Variants in DEPTOR observed in about 807,000 individuals in gnomAD.
DEPTOR encodes the protein DEP domain containing MTOR interacting protein.
In DEPTOR, 41 loss-of-function variants were observed where a neutral mutation model predicts 41.6. The ratio of observed to expected loss-of-function variants is 0.98; its 90% CI spans 0.77 to 1.28. The LOEUF is 1.28. DEPTOR is among the 50% of genes most tolerant of loss of function. The pLI is 0.00. For missense variants in DEPTOR, 514 were observed against 527.9 expected, an observed-to-expected ratio of 0.97 and a Z score of 0.26; for synonymous variants, 195 against 192.3, an observed-to-expected ratio of 1.01 and a Z score of -0.12.
At chr8:119,904,813 C>G (rs923615993) in intron 1 of DEPTOR, among the ~76,000 whole-genome samples, 6 of 151,506 alleles carry the variant, frequency 4.0e-5, no homozygotes, top group Non-Finnish European at 7.4e-5. Context: ...TTTTAAGAGA[C>G]CAGAGTCTTC....
chr8:120,007,498 G>A (rs2037344), intron 7 of DEPTOR, among the ~76,000 whole-genome samples: 103,605 of 151,988 alleles, frequency 0.68, 35,826 homozygotes, highest in Middle Eastern at 0.77. Flanking sequence ...TAATGCCTAC[G>A]TTGGATTTCT....
At chr8:119,914,275 C>T (rs1283626335) in intron 1 of DEPTOR, among the ~76,000 whole-genome samples, 1 of 151,620 alleles carries the variant, frequency 6.6e-6, no homozygotes. Context: ...CTCCTGACCT[C>T]AGGTGATCTG....
At chr8:119,960,536 T>C (rs1274790462) in intron 3 of DEPTOR, among the ~76,000 whole-genome samples, 1 of 152,188 alleles carries the variant, frequency 6.6e-6, no homozygotes, top group African/African-American at 2.4e-5. Context: ...CATCAGTTCA[T>C]AGCTATGAAG....
chr8:120,026,106 C>T (rs1812792703), intron 8 of DEPTOR, among the ~76,000 whole-genome samples: 1 of 151,810 alleles, frequency 6.6e-6, no homozygotes, highest in Non-Finnish European at 1.5e-5. Context: ...CCTGCCTCAG[C>T]CTCCCATGTA....
intron 8 of DEPTOR, among the ~76,000 whole-genome samples, chr8:120,022,157 T>TAAAAAAAAAAAAAAAAAAAAAAAA (rs34125548): frequency 1.1e-5 from 1 of 93,724 alleles, no homozygotes; most frequent in African/African-American, 4.0e-5. Flanking sequence ...GACCCCATCT[T>TAAAAAAAAAAAAAAAAAAAAAAAA]AAAAAAAAAA....
Position 119,927,644 on chromosome 8 carries a change from C to T in DEPTOR, c.123-756C>T, listed in dbSNP as rs141093015. The stretch of plus-strand genomic sequence containing the variant: ...ATATTTTAAGACGGAGTTTCACTCT[C>T]GTTGCCTAGGCTGGAGTGCAATGGC... On this transcript the variant is annotated intron_variant, in intron 1 of 8. Transcript: ENST00000286234. 3.6e-3 allele frequency among the ~76,000 whole-genome samples: 547 copies of T among 150,304 alleles called. 2 individuals carry two copies. Among genetic ancestry groups the T allele is most frequent in the African/African-American group, 0.013 (517 of 41,062 alleles).
chr8:119,901,472 C>T (rs200085955), intron 1 of DEPTOR, among the ~76,000 whole-genome samples: 100 of 152,094 alleles, frequency 6.6e-4, no homozygotes, highest in African/African-American at 2.3e-3. Flanking sequence ...ATCAGGAGAT[C>T]GAGACCATCC....
intron 4 of DEPTOR, among the ~76,000 whole-genome samples, chr8:119,972,045 A>G (rs1268851265): frequency 2.6e-5 from 4 of 152,224 alleles, no homozygotes; most frequent in East Asian, 1.9e-4. Context: ...GGCCAGCCCC[A>G]TAAGCCGGCC....
intron 4 of DEPTOR, among the ~76,000 whole-genome samples, chr8:119,969,127 A>T (rs922771816): frequency 2.4e-4 from 37 of 151,916 alleles, no homozygotes; most frequent in Non-Finnish European, 5.1e-4. Flanking sequence ...ACCAACTTCT[A>T]GGAGAAAACC....
chr8:120,005,284 T>A (rs1183219946), intron 6 of DEPTOR, among the ~76,000 whole-genome samples: 1 of 152,226 alleles, frequency 6.6e-6, no homozygotes, highest in Non-Finnish European at 1.5e-5. Flanking sequence ...TCCATCTTGA[T>A]ATTTGACCTA....
At chr8:119,954,082 A>G (rs907055909) in intron 3 of DEPTOR, among the ~76,000 whole-genome samples, 2 of 151,822 alleles carry the variant, frequency 1.3e-5, no homozygotes, top group African/African-American at 4.8e-5. Context: ...CTGTGATTAC[A>G]GGCGTGAGCC....
intron 3 of DEPTOR, among the ~76,000 whole-genome samples, chr8:119,951,405 G>A (rs1253792702): frequency 6.6e-6 from 1 of 152,126 alleles, no homozygotes; most frequent in Non-Finnish European, 1.5e-5. Flanking sequence ...AACCATAGTT[G>A]AATGTGGCCT....
intron 4 of DEPTOR, among the ~76,000 whole-genome samples, chr8:119,976,170 A>G (rs1051216777): frequency 1.1e-4 from 16 of 151,836 alleles, no homozygotes; most frequent in Non-Finnish European, 2.2e-4. Context: ...CCCCCTACTC[A>G]TGCTCTCTGG....
At chr8:120,036,054 A>G (rs2130186165) in intron 8 of DEPTOR, among the ~76,000 whole-genome samples, 1 of 152,328 alleles carries the variant, frequency 6.6e-6, no homozygotes, top group Middle Eastern at 3.4e-3. Context: ...GGAATCCAGT[A>G]TGTATGGACT....
chr8:119,952,751 T>G (rs1828370301), intron 3 of DEPTOR, among the ~76,000 whole-genome samples: 1 of 152,190 alleles, frequency 6.6e-6, no homozygotes, highest in Non-Finnish European at 1.5e-5. Context: ...AAAGGACGTG[T>G]AGTTTCAATT....
At chr8:119,988,690 A>T (rs1828860225) in intron 4 of DEPTOR, among the ~76,000 whole-genome samples, 2 of 151,926 alleles carry the variant, frequency 1.3e-5, no homozygotes. Context: ...ACCATTTTGG[A>T]CAGGCTGATC....
intron 8 of DEPTOR, among the ~76,000 whole-genome samples, chr8:120,042,145 T>A (rs189500904): frequency 3.3e-5 from 5 of 151,502 alleles, no homozygotes; most frequent in Admixed American, 3.3e-4. Flanking sequence ...TTACCACCAG[T>A]GGGTGGCATC....
At chr8:119,939,832 G>C (rs1264528495) in intron 3 of DEPTOR, among the ~76,000 whole-genome samples, 2 of 152,100 alleles carry the variant, frequency 1.3e-5, no homozygotes, top group Admixed American at 6.5e-5. Context: ...TGAGTAAGTG[G>C]GGAAATTAGA....
Position 119,956,606 on chromosome 8 carries a change from G to C in DEPTOR, c.426-8626G>C, listed in dbSNP as rs7813220. On this transcript the variant is annotated intron_variant, in intron 3 of 8. Coordinates refer to ENST00000286234, the MANE Select transcript of DEPTOR (RefSeq NM_022783.4). ...AAGGGACAGAGTGGTCAGAACCAGG[G>C]ATAAAGGCCAGGAGTCTGTGTCTGT... 2.8e-3 allele frequency among the ~76,000 whole-genome samples: 431 copies of C among 151,584 alleles called. 2 individuals are homozygous for C. Among genetic ancestry groups the C allele is most frequent in the African/African-American group, 9.5e-3 (393 of 41,282 alleles).
Sources: allele counts gnomAD v4.1 joint callset (sites outside exome capture counted in the v4.1 genomes callset), GRCh38; gene constraint gnomAD v4.1.1; transcripts MANE v1.5; gene names NCBI Gene and HGNC (gene_info 2026-07-23, HGNC 2026-07-21).